STPG2: variants seen among roughly 807,000 people sequenced by gnomAD.
The protein encoded by STPG2 is sperm-tail PG-rich repeat-containing protein 2.
In STPG2, 56 loss-of-function variants were observed where a neutral mutation model predicts 54.2. That is an observed-to-expected ratio of 1.03 (90% confidence interval 0.83 to 1.29). The LOEUF (loss-of-function observed/expected upper bound fraction) is 1.29. Among genes scored for constraint, STPG2 ranks in the 50% most tolerant of loss-of-function variants. STPG2 has a pLI of 0.00. For synonymous variants in STPG2, 200 were observed against 181.8 expected (o/e 1.10, Z -0.81); for missense variants, 596 against 544.9 (o/e 1.09, Z -0.93).
At chr4:97,583,392 T>G (rs1248340463) in intron 10 of STPG2, among the ~76,000 whole-genome samples, 1 of 151,988 alleles carries the variant, frequency 6.6e-6, no homozygotes, top group Non-Finnish European at 1.5e-5. Flanking sequence ...GATGCAGCCA[T>G]TAACAGAAAT....
chr4:98,020,388 A>T lies in STPG2; in HGVS notation c.613-39070T>A, dbSNP rs1459398757. On this transcript the variant is annotated intron_variant, in intron 5 of 10. Transcript: ENST00000295268. ...GAAGCCCACTTGATCATGGTGGATA[A>T]GCTTTTTGATGTGCTGCTGGATTCG... Among the ~76,000 whole-genome samples the T allele has an allele frequency of 2.1e-5, 3 of 144,168 alleles. No individual in the cohort carries two copies. The East Asian group carries it at 6.0e-4, about 29-fold the overall frequency. 94.6% of individuals were successfully genotyped at this position (144,168 alleles called of 152,430 possible). A position where few individuals can be genotyped will look rare whatever the true frequency, so the allele number is the denominator to read the frequency against.
intron 4 of STPG2, among the ~76,000 whole-genome samples, chr4:97,485,667 A>AAAAT (rs1224961306): frequency 1.3e-5 from 2 of 151,930 alleles, no homozygotes; most frequent in Non-Finnish European, 2.9e-5. Context: ...AATCCCCATC[A>AAAAT]AAATACCACC....
intron 8 of STPG2, among the ~76,000 whole-genome samples, chr4:97,851,057 A>T (rs1388396172): frequency 6.6e-6 from 1 of 152,108 alleles, no homozygotes; most frequent in Non-Finnish European, 1.5e-5. Flanking sequence ...TTGGGTCTCA[A>T]ATCTTCCCTG....
At chr4:97,734,462 C>G (rs1434914999) in intron 9 of STPG2, among the ~76,000 whole-genome samples, 3 of 152,122 alleles carry the variant, frequency 2.0e-5, no homozygotes, top group Non-Finnish European at 4.4e-5. Flanking sequence ...GTGTTCCCCT[C>G]TATGTGTCCA....
intron 9 of STPG2, among the ~76,000 whole-genome samples, chr4:97,745,956 A>C (rs948714678): frequency 3.3e-5 from 5 of 151,230 alleles, no homozygotes; most frequent in African/African-American, 1.2e-4. Context: ...GGAAGATGAG[A>C]GTTGTTTGAG....
intron 9 of STPG2, among the ~76,000 whole-genome samples, chr4:97,771,519 G>T (rs1726220688): frequency 6.6e-6 from 1 of 152,102 alleles, no homozygotes; most frequent in Non-Finnish European, 1.5e-5. Context: ...CATCCTTTTG[G>T]AGTACAGGAA....
At chr4:97,669,463 G>A (rs1722632080) in intron 10 of STPG2, among the ~76,000 whole-genome samples, 1 of 152,140 alleles carries the variant, frequency 6.6e-6, no homozygotes, top group Admixed American at 6.6e-5. Context: ...CACCACTGAT[G>A]TTCTGTTCTA....
rs570574674 is a variant in STPG2, at chr4:97,537,214, G to A, written c.462+175485C>T. Among the ~76,000 whole-genome samples, 8 of 152,266 alleles carry A rather than the reference G, an allele frequency of 5.3e-5. No individual in the cohort carries two copies. In the South Asian group the frequency reaches 1.7e-3, roughly 32 times the overall value. On this transcript the variant is annotated intron_variant, in intron 4 of 4. Coordinates refer to the STPG2 transcript ENST00000522676. ...CAGTGGGTGCAGGACAGTGGGTGCAGTGAACCGAGTGTGAGCCAAAACAGG... is the reference window on the plus strand; with the variant it reads ...CAGTGGGTGCAGGACAGTGGGTGCAATGAACCGAGTGTGAGCCAAAACAGG...
intron 5 of STPG2, among the ~76,000 whole-genome samples, chr4:98,000,061 A>G (rs759866627): frequency 1.1e-4 from 17 of 152,180 alleles, no homozygotes; most frequent in Non-Finnish European, 2.4e-4. Context: ...ATAATGGCCC[A>G]TATGAACCTG....
intron 8 of STPG2, among the ~76,000 whole-genome samples, chr4:97,940,321 T>A (rs1386660007): frequency 6.6e-6 from 1 of 152,202 alleles, no homozygotes; most frequent in African/African-American, 2.4e-5. Context: ...TTATCTGTAT[T>A]TTCTGAATTT....
chr4:97,832,420 G>C (rs1453976267), intron 9 of STPG2, among the ~76,000 whole-genome samples: 1 of 152,134 alleles, frequency 6.6e-6, no homozygotes, highest in African/African-American at 2.4e-5. Context: ...TGCTGAATGG[G>C]CAAAAACTGG....
At chr4:98,092,437 G>A (rs1201804459) in intron 5 of STPG2, among the ~76,000 whole-genome samples, 2 of 151,792 alleles carry the variant, frequency 1.3e-5, no homozygotes, top group African/African-American at 2.4e-5. Context: ...ATTACTAACA[G>A]TAATAAATTG....
chr4:97,850,326 A>ATAAATAAATAAAT (rs1553918504), intron 8 of STPG2, among the ~76,000 whole-genome samples: 5,853 of 146,760 alleles, frequency 0.04, 213 homozygotes, highest in Non-Finnish European at 0.065. Flanking sequence ...AAATAAATAA[A>ATAAATAAATAAAT]GAAGTAGAGC....
At chr4:97,884,053 C>G (rs1730473492) in intron 8 of STPG2, among the ~76,000 whole-genome samples, 1 of 151,976 alleles carries the variant, frequency 6.6e-6, no homozygotes, top group Non-Finnish European at 1.5e-5. Flanking sequence ...GCAAGGAGTC[C>G]ACAATACGTT....
chr4:97,954,129 C>A (rs749330970), intron 7 of STPG2, among the ~76,000 whole-genome samples: 1 of 152,156 alleles, frequency 6.6e-6, no homozygotes, highest in African/African-American at 2.4e-5. Flanking sequence ...TATTGGATGG[C>A]TTTGGCTCTA....
At chr4:97,721,789 G>A (rs922999128) in intron 9 of STPG2, among the ~76,000 whole-genome samples, 18 of 151,850 alleles carry the variant, frequency 1.2e-4, no homozygotes, top group Non-Finnish European at 4.4e-5. Flanking sequence ...ACAGAACATG[G>A]TACACATCAG....
At position 98,128,573 on chromosome 4, in the gene STPG2, G is replaced by A; in HGVS notation, c.242C>T (p.Thr81Ile). 1 of 1,592,818 alleles carries A rather than the reference G, an allele frequency of 6.3e-7. No homozygotes were observed. ...SEAQKISRSPTLTRSVDVPSI... is the reference protein window; with the variant it reads ...SEAQKISRSPILTRSVDVPSI... ...AGGAACATCAACACTTCTGGTAAGT[G>A]TAGGTGATCTTGAAATTTTCTGCAA... Residue 81 changes from threonine (T) to isoleucine (I), a missense_variant, in exon 3 of 11, where the codon ACA becomes ATA. Thr to Ile is a moderately conservative substitution (Grantham distance 89). Transcript: ENST00000295268.
intron 8 of STPG2, among the ~76,000 whole-genome samples, chr4:97,938,568 G>C (rs1430346799): frequency 6.6e-6 from 1 of 152,214 alleles, no homozygotes; most frequent in East Asian, 1.9e-4. Flanking sequence ...CAGCTCTGTG[G>C]TTGTGACCTA....
rs1288258377 is a variant in STPG2, at chr4:97,976,294, A to G, written c.773-3854T>C. ...TATAATGAAAACTATTTGAGCCACC[A>G]CTTAAGATATATAAATAACAAGTAA... On this transcript the variant is annotated intron_variant, in intron 6 of 10. Transcript: ENST00000295268. 2.0e-5 allele frequency among the ~76,000 whole-genome samples: 3 copies of G among 152,192 alleles called. 1 individual carries two copies. Among genetic ancestry groups the G allele is most frequent in the Non-Finnish European group, 4.4e-5 (3 of 68,028 alleles).
Sources: allele counts gnomAD v4.1 joint callset (sites outside exome capture counted in the v4.1 genomes callset), GRCh38; gene constraint gnomAD v4.1.1; transcripts MANE v1.5; gene names NCBI Gene and HGNC (gene_info 2026-07-23, HGNC 2026-07-21).